Variants in TENT5D observed in about 807,000 individuals in gnomAD.
The protein encoded by TENT5D is cancer/testis antigen 112.
For missense variants in TENT5D, 191 were observed against 287.0 expected, an observed-to-expected ratio of 0.67 and a Z score of 2.42; for synonymous variants, 103 against 100.6, an observed-to-expected ratio of 1.02 and a Z score of -0.15.
upstream of TENT5D, among the ~76,000 whole-genome samples, chrX:80,420,061 C>T (rs1274587181): frequency 9.0e-6 from 1 of 111,420 alleles, no homozygotes; most frequent in African/African-American, 3.3e-5. Context: ...AACATGTTCA[C>T]TTGGGGGTAA....
chrX:80,352,460 C>T (rs939051911), intron 3 of TENT5D, among the ~76,000 whole-genome samples: 8 of 110,593 alleles, frequency 7.2e-5, no homozygotes, highest in African/African-American at 1.3e-4. Flanking sequence ...TTAGCGCTGT[C>T]GGGGGAAAAC....
chrX:80,341,346 C>T lies in TENT5D; in HGVS notation c.-206-1154C>T, dbSNP rs751265974. ...AGCTGGCTTTTATATGGGATTTGTG[C>T]CTTAAAAGTCAGACATGACTGCTTA... On this transcript the variant is annotated intron_variant, in intron 2 of 4. Transcript: ENST00000538312. Among the ~76,000 whole-genome samples, 190 of 112,081 alleles carry T rather than the reference C, an allele frequency of 1.7e-3. 1 individual carries two copies. Among genetic ancestry groups the T allele is most frequent in the African/African-American group, 5.9e-3 (182 of 30,863 alleles).
intron 3 of TENT5D, among the ~76,000 whole-genome samples, chrX:80,377,958 G>A (rs998405479): frequency 8.9e-6 from 1 of 111,821 alleles, no homozygotes; most frequent in Non-Finnish European, 1.9e-5. Flanking sequence ...TCTCATTGTG[G>A]TTTTGATTTA....
chrX:80,412,301 C>T (rs753509306), intron 3 of TENT5D, among the ~76,000 whole-genome samples: 48 of 112,302 alleles, frequency 4.3e-4, no homozygotes, highest in African/African-American at 1.5e-3. Context: ...CCTGGGCCCC[C>T]GGGCCTGTGA....
intron 3 of TENT5D, among the ~76,000 whole-genome samples, chrX:80,351,559 C>T (rs763236650): frequency 3.6e-5 from 4 of 109,591 alleles, no homozygotes; most frequent in Non-Finnish European, 5.7e-5. Context: ...TCACCTTTGT[C>T]AGGGTTCTTA....
intron 3 of TENT5D, among the ~76,000 whole-genome samples, chrX:80,385,733 AC>A (rs1930981982): frequency 8.9e-6 from 1 of 112,352 alleles, no homozygotes; most frequent in Non-Finnish European, 1.9e-5. Flanking sequence ...CAAGAAAAAA[AC>A]AAACAACCCC....
chrX:80,351,970 G>A (rs1410670582), intron 3 of TENT5D, among the ~76,000 whole-genome samples: 2 of 112,192 alleles, frequency 1.8e-5, no homozygotes, highest in Non-Finnish European at 1.9e-5. Flanking sequence ...GGTATCACTA[G>A]TGGAGGCTGC....
intron 3 of TENT5D, among the ~76,000 whole-genome samples, chrX:80,357,717 T>A (rs1930314343): frequency 9.0e-6 from 1 of 111,348 alleles, no homozygotes; most frequent in Non-Finnish European, 1.9e-5. Context: ...AGAATCAATA[T>A]TGTCAAAATG....
At chrX:80,341,913 G>A (rs939172926) in intron 2 of TENT5D, among the ~76,000 whole-genome samples, 3 of 106,790 alleles carry the variant, frequency 2.8e-5, no homozygotes, top group Non-Finnish European at 3.9e-5. Context: ...GGGTTTCACC[G>A]TGTTAGCCAG....
chrX:80,402,512 G>A (rs1931406961), intron 3 of TENT5D, among the ~76,000 whole-genome samples: 2 of 110,760 alleles, frequency 1.8e-5, no homozygotes, highest in Admixed American at 1.9e-4. Flanking sequence ...CTTCTTTTTT[G>A]ATATAAGTAT....
intron 3 of TENT5D, among the ~76,000 whole-genome samples, chrX:80,392,495 CTTTTTTTTTTTTTTTTTTT>C (rs72029455): frequency 4.1e-5 from 1 of 24,289 alleles, no homozygotes; most frequent in African/African-American, 2.0e-4. Context: ...TCATTTTATT[CTTTTTTTTTTTTTTTTTTT>C]TTTTTTTTTT....
intron 3 of TENT5D, among the ~76,000 whole-genome samples, chrX:80,367,465 A>G (rs1333476782): frequency 3.6e-5 from 4 of 111,466 alleles, no homozygotes; most frequent in African/African-American, 9.7e-5. Flanking sequence ...TAGAGCTACC[A>G]TACAATCCAG....
intron 3 of TENT5D, among the ~76,000 whole-genome samples, chrX:80,366,004 A>G (rs1930503539): frequency 9.0e-6 from 1 of 111,661 alleles, no homozygotes; most frequent in Admixed American, 9.6e-5. Context: ...TCTTGTCACC[A>G]TATTTTATTG....
chrX:80,356,793 G>A (rs762936032), intron 3 of TENT5D, among the ~76,000 whole-genome samples: 2 of 110,761 alleles, frequency 1.8e-5, no homozygotes, highest in Non-Finnish European at 3.8e-5. Context: ...TAAGTTTTAG[G>A]GTACATGTGC....
At chrX:80,360,252 G>A (rs896399758) in intron 3 of TENT5D, among the ~76,000 whole-genome samples, 5 of 112,071 alleles carry the variant, frequency 4.5e-5, no homozygotes, top group African/African-American at 1.6e-4. Context: ...TAAAATTCAG[G>A]TTATCGATAT....
chrX:80,407,250 A>G (rs1297060759), intron 3 of TENT5D, among the ~76,000 whole-genome samples: 2 of 110,596 alleles, frequency 1.8e-5, no homozygotes, highest in Non-Finnish European at 3.8e-5. Context: ...ACACATAACA[A>G]TATTAACTTT....
chrX:80,435,654 A>G (rs1932170225), intron 1 of TENT5D, among the ~76,000 whole-genome samples: 1 of 112,376 alleles, frequency 8.9e-6, no homozygotes. Flanking sequence ...AGAACAACTG[A>G]TAAACACATT....
chrX:80,408,169 C>A (rs1304128692), intron 3 of TENT5D, among the ~76,000 whole-genome samples: 1 of 107,548 alleles, frequency 9.3e-6, no homozygotes, highest in Non-Finnish European at 1.9e-5. Flanking sequence ...AAAATTGACA[C>A]CCTAACATCA....
intron 3 of TENT5D, among the ~76,000 whole-genome samples, chrX:80,349,248 T>C (rs1930126077): frequency 8.9e-6 from 1 of 111,994 alleles, no homozygotes; most frequent in Admixed American, 9.5e-5. Context: ...AGCTCCTCTT[T>C]GTACCTCTGG....
Sources: gnomAD v4.1 joint callset for allele counts (sites outside exome capture counted in the v4.1 genomes callset) on GRCh38, gnomAD v4.1.1 for gene constraint, MANE v1.5 for transcripts, NCBI Gene and HGNC (gene_info 2026-07-23, HGNC 2026-07-21) for gene names.